The following ROBO2 variants were observed in gnomAD, a reference collection of about 807,000 sequenced individuals.
ROBO2 encodes roundabout guidance receptor 2.
Under a neutral mutation model 160.8 loss-of-function variants are expected in ROBO2, and 53 were observed. The observed-to-expected ratio is 0.33, with a 90% confidence interval of 0.26 to 0.41. The LOEUF (loss-of-function observed/expected upper bound fraction) is 0.41, where lower values mean the gene tolerates loss of function less well. Ranked by LOEUF, ROBO2 falls within the 10% of genes least tolerant of loss-of-function variation. The pLI is 1.00. For synonymous variants in ROBO2, 664 were observed against 611.7 expected (o/e 1.09, Z -1.26); for missense variants, 1,577 against 1,722.4 (o/e 0.92, Z 1.49).
chr3:76,542,211 T>C (rs989044229), intron 2 of ROBO2, among the ~76,000 whole-genome samples: 1 of 152,154 alleles, frequency 6.6e-6, no homozygotes, highest in African/African-American at 2.4e-5. Context: ...AAAAGTGAAG[T>C]AAATTTGTTA....
intron 2 of ROBO2, among the ~76,000 whole-genome samples, chr3:76,453,825 G>T (rs981076324): frequency 1.1e-4 from 16 of 152,064 alleles, no homozygotes; most frequent in Admixed American, 2.0e-4. Context: ...TTACTATTTG[G>T]TACTTGGTAG....
At chr3:76,370,360 A>G (rs747591738) in intron 2 of ROBO2, among the ~76,000 whole-genome samples, 1 of 151,968 alleles carries the variant, frequency 6.6e-6, no homozygotes, top group African/African-American at 2.4e-5. Flanking sequence ...ATGTCAGTTC[A>G]ATTCACATGA....
rs183776378 is a variant in ROBO2, at chr3:77,407,739, G to C, written c.389-69675G>C. On this transcript the variant is annotated intron_variant, in intron 2 of 25. Transcript: ENST00000461745. ...TATGTTCGCAGTTTTAAAAAATAAT[G>C]CTCGTGTTTATTTTAGACATTACTC... 3.6e-4 allele frequency among the ~76,000 whole-genome samples: 55 copies of C among 152,230 alleles called. No individual in the cohort carries two copies. In the East Asian group the frequency reaches 6.0e-3, roughly 17 times the overall value.
intron 2 of ROBO2, among the ~76,000 whole-genome samples, chr3:75,941,034 T>C (rs1948031297): frequency 6.6e-6 from 1 of 152,168 alleles, no homozygotes; most frequent in South Asian, 2.1e-4. Context: ...CATATGGTCC[T>C]CTCATCTCAG....
At chr3:76,163,469 A>T (rs1163314502) in intron 2 of ROBO2, among the ~76,000 whole-genome samples, 2 of 149,706 alleles carry the variant, frequency 1.3e-5, no homozygotes, top group Non-Finnish European at 3.0e-5. Flanking sequence ...TGCAATTGAC[A>T]TATATTGTAT....
intron 2 of ROBO2, among the ~76,000 whole-genome samples, chr3:77,313,237 T>A (rs2063699068): frequency 6.6e-6 from 1 of 152,228 alleles, no homozygotes; most frequent in African/African-American, 2.4e-5. Flanking sequence ...TCCATTTAAT[T>A]TTTTAATTGA....
intron 6 of ROBO2, among the ~76,000 whole-genome samples, chr3:77,542,179 A>G (rs1241458752): frequency 6.6e-6 from 1 of 152,204 alleles, no homozygotes; most frequent in African/African-American, 2.4e-5. Flanking sequence ...TTAAAACCTC[A>G]AAAATAAATT....
chr3:76,782,168 G>C (rs150775027), intron 2 of ROBO2, among the ~76,000 whole-genome samples: 1 of 150,624 alleles, frequency 6.6e-6, no homozygotes, highest in African/African-American at 2.4e-5. Flanking sequence ...GAAGTATATT[G>C]CTTAATTTTC....
chr3:76,304,380 C>T (rs1229172745), intron 2 of ROBO2, among the ~76,000 whole-genome samples: 2 of 151,950 alleles, frequency 1.3e-5, no homozygotes, highest in African/African-American at 4.8e-5. Context: ...CAAAATAGAA[C>T]GTTAAAGAAT....
chr3:77,412,344 A>C (rs994187533), intron 2 of ROBO2, among the ~76,000 whole-genome samples: 3 of 152,246 alleles, frequency 2.0e-5, no homozygotes, highest in Non-Finnish European at 1.5e-5. Flanking sequence ...AGAGCTGCTG[A>C]GCTCTAAGCC....
chr3:76,478,636 G>C (rs991065535), intron 2 of ROBO2, among the ~76,000 whole-genome samples: 1 of 150,140 alleles, frequency 6.7e-6, no homozygotes, highest in East Asian at 2.0e-4. Flanking sequence ...TTAAACAGTT[G>C]CATACTAACC....
chr3:76,293,800 C>T (rs1452686441), intron 2 of ROBO2, among the ~76,000 whole-genome samples: 1 of 152,206 alleles, frequency 6.6e-6, no homozygotes, highest in Non-Finnish European at 1.5e-5. Flanking sequence ...TCTTTTGAGA[C>T]TATAACCGTT....
intron 2 of ROBO2, among the ~76,000 whole-genome samples, chr3:77,256,416 T>C (rs1387932538): frequency 1.3e-5 from 2 of 152,198 alleles, no homozygotes; most frequent in Non-Finnish European, 2.9e-5. Context: ...ACCTCTTCCC[T>C]TTTATGCACA....
rs149822652 is a variant in ROBO2 at position 77,624,356 on chromosome 3, G to A, written c.3760+1924G>A. Among the ~76,000 whole-genome samples, 1,479 of 152,216 alleles carry A rather than the reference G, an allele frequency of 9.7e-3. 25 individuals carry two copies. The highest frequency in any genetic ancestry group is 0.034 in the African/African-American group (1,400 of 41,544). On this transcript the variant is annotated intron_variant, in intron 23 of 25. Coordinates refer to ENST00000461745, the Ensembl canonical transcript of ROBO2. ...GAGAGAGTATGTGTTAGATGTGTGA[G>A]TGTATTAGAACGTGGGTGTGGGTGC...
chr3:77,302,228 C>T (rs1006103234), intron 2 of ROBO2, among the ~76,000 whole-genome samples: 1 of 151,912 alleles, frequency 6.6e-6, no homozygotes, highest in African/African-American at 2.4e-5. Context: ...AGGTTTGAGC[C>T]ACCAAACCTG....
chr3:77,292,842 G>A (rs1414043465), intron 2 of ROBO2, among the ~76,000 whole-genome samples: 3 of 150,584 alleles, frequency 2.0e-5, no homozygotes, highest in African/African-American at 7.3e-5. Context: ...CGGTTAAACG[G>A]GTAAGCTGAG....
intron 2 of ROBO2, among the ~76,000 whole-genome samples, chr3:77,029,147 A>G (rs920255004): frequency 1.3e-4 from 20 of 152,134 alleles, no homozygotes; most frequent in African/African-American, 4.8e-4. Context: ...ATGAGGCCCA[A>G]CATCTTTATT....
intron 2 of ROBO2, among the ~76,000 whole-genome samples, chr3:77,168,742 G>A (rs2079344658): frequency 6.6e-6 from 1 of 152,128 alleles, no homozygotes; most frequent in South Asian, 2.1e-4. Flanking sequence ...TTTAAGGATC[G>A]AAGGAACATG....
chr3:76,282,288 A>G (rs1576248232), intron 2 of ROBO2, among the ~76,000 whole-genome samples: 2 of 152,096 alleles, frequency 1.3e-5, no homozygotes, highest in African/African-American at 4.8e-5. Context: ...TAGAAAATGC[A>G]CTTGCTGTAT....
Sources: allele counts gnomAD v4.1 joint callset (sites outside exome capture counted in the v4.1 genomes callset), GRCh38; gene constraint gnomAD v4.1.1; transcripts MANE v1.5; gene names NCBI Gene and HGNC (gene_info 2026-07-23, HGNC 2026-07-21).